MTERF4: variants seen among roughly 807,000 people sequenced by gnomAD.
MTERF4 encodes the protein mitochondrial transcription termination factor 4.
A neutral mutation model predicts 22.5 loss-of-function variants in MTERF4; 17 were observed. The ratio of observed to expected loss-of-function variants is 0.75; its 90% CI spans 0.52 to 1.13. The LOEUF (loss-of-function observed/expected upper bound fraction) is 1.13, where lower values mean the gene tolerates loss of function less well. Ranked by LOEUF, MTERF4 falls within the 50% of genes most tolerant of loss-of-function variation. The pLI is 0.00. For synonymous variants in MTERF4, 165 were observed against 175.3 expected, an observed-to-expected ratio of 0.94 and a Z score of 0.47; for missense variants, 420 against 466.8, an observed-to-expected ratio of 0.90 and a Z score of 0.92.
At position 241,096,049 on chromosome 2, in the gene MTERF4, G is replaced by GTCCTCATCA; in HGVS notation, c.1094_1095insTGATGAGGA (p.Asp365_Glu367dup). 1.2e-6 allele frequency: 2 copies of GTCCTCATCA among 1,613,370 alleles called. No homozygotes were observed. The highest frequency in any genetic ancestry group is 2.7e-5 in the African/African-American group (2 of 74,760). On this transcript the variant is annotated inframe_insertion, in exon 4 of 4. Coordinates refer to ENST00000391980, the MANE Select transcript of MTERF4 (RefSeq NM_182501.4). The surrounding 1 kb of genome is among the most constrained non-coding windows in gnomAD (Gnocchi z 5.1). ...CCTCATCATTGTCCTCCGCCTCGTC[G>GTCCTCATCA]TCGTCCTCATCATCGTCATCCTCAT...
At chr2:241,085,562 T>C (rs141224915), downstream of MTERF4, among the ~76,000 whole-genome samples, 1 of 152,322 alleles carries the variant, frequency 6.6e-6, no homozygotes, top group East Asian at 1.9e-4. Context: ...ATCACTCTCA[T>C]GTCTGGGTCT....
chr2:241,064,710 G>A, the MTERF4 span: 13 of 613,534 alleles, frequency 2.1e-5, no homozygotes, highest in Middle Eastern at 3.0e-4. This position sits in a 1 kb window ranked among gnomAD's most constrained non-coding sequence, Gnocchi z 7.0. Flanking sequence ...CCGAAGGGAG[G>A]CAGTAGCTGT....
chr2:241,052,324 C>A, the MTERF4 span: 1 of 1,540,878 alleles, frequency 6.5e-7, no homozygotes, highest in Non-Finnish European at 8.8e-7. Flanking sequence ...AGGGAAGACA[C>A]AGTGGCCAGG....
At chr2:241,051,448 T>C in the MTERF4 span, 3 of 326,800 alleles carry the variant, frequency 9.2e-6, no homozygotes, top group East Asian at 1.4e-4. This position sits in a 1 kb window ranked among gnomAD's most constrained non-coding sequence, Gnocchi z 4.7. Flanking sequence ...CCCGCTGCAG[T>C]GTTGGGGCCG....
downstream of MTERF4, chr2:241,087,329 G>C: frequency 6.6e-7 from 1 of 1,503,802 alleles, no homozygotes; most frequent in African/African-American, 1.4e-5. Flanking sequence ...CATAGCCTAG[G>C]TTAAGCAGTT....
exon 5 of MTERF4, chr2:241,074,788 ATAAT>A (rs1490418882): frequency 6.6e-6 from 1 of 152,256 alleles, no homozygotes; most frequent in Non-Finnish European, 1.5e-5. Flanking sequence ...TAGCCTTTGA[ATAAT>A]GACTAAATCA....
chr2:241,097,321 T>C lies in MTERF4; in HGVS notation c.627A>G (p.Val209=). The change falls in exon 3 of 4, where the codon GTA becomes GTG. Residue 209 remains valine, a synonymous_variant. Coordinates refer to ENST00000391980, the MANE Select transcript of MTERF4 (RefSeq NM_182501.4). Reference sequence around the variant, plus strand: ...TGTGCAAAATCTTGGTGACTTGCTGTACCGTGAAAAGGCACTTCTCCTTGA... The same window carrying C: ...TGTGCAAAATCTTGGTGACTTGCTGCACCGTGAAAAGGCACTTCTCCTTGA... ...RLLKEKCLFT[V]QQVTKILHSC... is the part of the protein sequence containing the mutation. 2 of 1,614,210 alleles carry C rather than the reference T, an allele frequency of 1.2e-6. No homozygotes were observed. The highest frequency in any genetic ancestry group is 1.7e-6 in the Non-Finnish European group (2 of 1,180,028).
chr2:241,052,354 G>A, the MTERF4 span: 1 of 1,570,642 alleles, frequency 6.4e-7, no homozygotes, highest in Non-Finnish European at 8.6e-7. Flanking sequence ...CATTCTGGCA[G>A]CCCCCTCCCC....
the MTERF4 span, chr2:241,063,559 A>G: frequency 6.6e-7 from 1 of 1,504,244 alleles, no homozygotes; most frequent in Non-Finnish European, 9.1e-7. Context: ...TGAGCCAGCA[A>G]CACCCTTGAC....
At chr2:241,068,777 A>C, downstream of MTERF4, 1 of 636,670 alleles carries the variant, frequency 1.6e-6, no homozygotes, top group East Asian at 2.8e-5. This position sits in a 1 kb window ranked among gnomAD's most constrained non-coding sequence, Gnocchi z 5.3. Flanking sequence ...CCCCTCGTGG[A>C]GGTTGCCTGG....
chr2:241,089,438 T>A, downstream of MTERF4: 1 of 1,548,376 alleles, frequency 6.5e-7, no homozygotes. Context: ...TTTTCAGATA[T>A]AGGCTCACAC....
chr2:241,088,988 G>C (rs2063735484), downstream of MTERF4: 1 of 277,954 alleles, frequency 3.6e-6, no homozygotes, highest in Non-Finnish European at 6.7e-6. Context: ...CATAAATCCT[G>C]ACGTGAAAGG....
At chr2:241,063,611 C>A in the MTERF4 span, 2 of 1,611,084 alleles carry the variant, frequency 1.2e-6, no homozygotes, top group Non-Finnish European at 1.7e-6. Flanking sequence ...CGAGCTCACC[C>A]GTGCAGAAAT....
At chr2:241,043,786 T>C in the MTERF4 span, among the ~76,000 whole-genome samples, 1 of 152,236 alleles carries the variant, frequency 6.6e-6, no homozygotes. Flanking sequence ...AACTCAACTC[T>C]ACCATTGTAA....
the MTERF4 span, among the ~76,000 whole-genome samples, chr2:241,057,322 T>A: frequency 1.3e-5 from 2 of 149,252 alleles, no homozygotes; most frequent in African/African-American, 2.5e-5. Flanking sequence ...GAGGTTGCAA[T>A]GAGCCGAGAT....
downstream of MTERF4, chr2:241,068,841 C>T (rs964731955): frequency 1.6e-5 from 18 of 1,098,906 alleles, no homozygotes; most frequent in Middle Eastern, 2.0e-4. The surrounding 1 kb of genome is among the most constrained non-coding windows in gnomAD (Gnocchi z 5.3). Context: ...GGGGGAGCTG[C>T]GGTCTGGCAG....
At chr2:241,078,191 T>C (rs2063128351) in intron 4 of MTERF4, among the ~76,000 whole-genome samples, 1 of 150,308 alleles carries the variant, frequency 6.7e-6, no homozygotes. Context: ...GAGACAAGTC[T>C]GGCCAACGCG....
the MTERF4 span, among the ~76,000 whole-genome samples, chr2:241,062,575 AGCCC>A: frequency 6.6e-6 from 1 of 152,154 alleles, no homozygotes. Flanking sequence ...GGTGGTTTCA[AGCCC>A]GCCCTGCTGC....
At chr2:241,064,048 G>C in the MTERF4 span, 24 of 1,563,830 alleles carry the variant, frequency 1.5e-5, no homozygotes, top group Non-Finnish European at 1.8e-5. This position sits in a 1 kb window ranked among gnomAD's most constrained non-coding sequence, Gnocchi z 7.0. Context: ...TGCCAGCATG[G>C]AGGCCGGTGT....
Sources: gnomAD v4.1 joint callset for allele counts (sites outside exome capture counted in the v4.1 genomes callset) on GRCh38, gnomAD v4.1.1 for gene constraint, Gnocchi (gnomAD v3.1) non-coding constraint, MANE v1.5 for transcripts, NCBI Gene and HGNC (gene_info 2026-07-23, HGNC 2026-07-21) for gene names.